The following MARK1 variants were observed in gnomAD, a reference collection of about 807,000 sequenced individuals.
The protein encoded by MARK1 is microtubule affinity regulating kinase 1, also known as serine/threonine-protein kinase MARK1.
A neutral mutation model predicts 96.3 loss-of-function variants in MARK1; 40 were observed. The ratio of observed to expected loss-of-function variants is 0.42; its 90% CI spans 0.32 to 0.54. MARK1 has a LOEUF of 0.54. Ranked by LOEUF, MARK1 falls within the 20% of genes least tolerant of loss-of-function variation. The pLI is 0.16. For missense variants in MARK1, 719 were observed against 984.6 expected, an observed-to-expected ratio of 0.73 and a Z score of 3.61; for synonymous variants, 317 against 341.2, an observed-to-expected ratio of 0.93 and a Z score of 0.78.
chr1:220,581,203 CTA>C, intron 3 of MARK1, 85 bp downstream of exon 3: 1 of 432,360 alleles, frequency 2.3e-6, no homozygotes, highest in South Asian at 8.9e-5. Flanking sequence ...TCTAAATTTT[CTA>C]TTAGGTACAA....
chr1:220,596,031 C>A (rs1309549987), intron 3 of MARK1, among the ~76,000 whole-genome samples: 1 of 152,104 alleles, frequency 6.6e-6, no homozygotes, highest in Non-Finnish European at 1.5e-5. Context: ...GTTTGAATTT[C>A]TGTGAGACAG....
At chr1:220,606,777 G>A (rs954229939) in intron 6 of MARK1, among the ~76,000 whole-genome samples, 12 of 152,200 alleles carry the variant, frequency 7.9e-5, no homozygotes, top group Middle Eastern at 3.4e-3. Context: ...ATTAAATAGG[G>A]AATCCTTTCC....
At chr1:220,549,483 A>G (rs1661717633) in intron 1 of MARK1, among the ~76,000 whole-genome samples, 2 of 152,196 alleles carry the variant, frequency 1.3e-5, no homozygotes, top group African/African-American at 4.8e-5. Context: ...CATTTTTTAA[A>G]TTTCTGTATT....
intron 2 of MARK1, among the ~76,000 whole-genome samples, chr1:220,580,311 C>G (rs140673732): frequency 2.7e-3 from 408 of 151,918 alleles, no homozygotes; most frequent in Non-Finnish European, 4.0e-3. Context: ...TGGCAAAACC[C>G]CAGCTCTACA....
At chr1:220,613,541 G>A (rs575911507) in intron 6 of MARK1, among the ~76,000 whole-genome samples, 3 of 152,120 alleles carry the variant, frequency 2.0e-5, no homozygotes, top group African/African-American at 7.2e-5. Context: ...ACAAACATGT[G>A]ACTAACAAAA....
At chr1:220,660,761 G>A (rs1369067755) in intron 17 of MARK1, among the ~76,000 whole-genome samples, 1 of 152,118 alleles carries the variant, frequency 6.6e-6, no homozygotes, top group African/African-American at 2.4e-5. Context: ...AAAATTCAGT[G>A]AGATTTAGTC....
chr1:220,618,625 C>T lies in MARK1; in HGVS notation c.790-11C>T. Reference sequence around the variant, plus strand: ...AACCAGTTATAAGTGCTTTCTTTCACTTTTATTAAGGAACTGCGAGAGCGA... The same window carrying T: ...AACCAGTTATAAGTGCTTTCTTTCATTTTTATTAAGGAACTGCGAGAGCGA... On this transcript the variant is annotated splice_polypyrimidine_tract_variant and intron_variant, in intron 8 of 17. Transcript: ENST00000366917. The surrounding 1 kb of genome is among the most constrained non-coding windows in gnomAD (Gnocchi z 4.6). 1.2e-6 allele frequency: 2 copies of T among 1,613,626 alleles called. No individual in the cohort carries two copies. The highest frequency in any genetic ancestry group is 1.7e-6 in the Non-Finnish European group (2 of 1,179,904).
At chr1:220,657,121 T>G (rs1267148874) in intron 16 of MARK1, among the ~76,000 whole-genome samples, 1 of 152,166 alleles carries the variant, frequency 6.6e-6, no homozygotes, top group East Asian at 1.9e-4. Flanking sequence ...GCATTAAAAT[T>G]TTGGTAGACT....
intron 5 of MARK1, among the ~76,000 whole-genome samples, chr1:220,602,923 A>T (rs1665838773): frequency 6.6e-6 from 1 of 152,090 alleles, no homozygotes; most frequent in Non-Finnish European, 1.5e-5. Flanking sequence ...TCGCTGTGCT[A>T]AGCACATGCA....
At chr1:220,631,971 A>G (rs749293084) in intron 10 of MARK1, among the ~76,000 whole-genome samples, 1 of 152,208 alleles carries the variant, frequency 6.6e-6, no homozygotes, top group Non-Finnish European at 1.5e-5. Flanking sequence ...AAGTGGGCCC[A>G]TTAATATATT....
At chr1:220,612,282 C>G (rs919208727) in intron 6 of MARK1, among the ~76,000 whole-genome samples, 2 of 152,088 alleles carry the variant, frequency 1.3e-5, no homozygotes, top group Non-Finnish European at 2.9e-5. Flanking sequence ...AAGAGCTTTC[C>G]ATCTTTGCTG....
At chr1:220,534,187 T>A (rs2102690563) in intron 1 of MARK1, among the ~76,000 whole-genome samples, 1 of 152,176 alleles carries the variant, frequency 6.6e-6, no homozygotes, top group Non-Finnish European at 1.5e-5. Flanking sequence ...ATGTATTAGA[T>A]CTATTAGTGC....
intron 1 of MARK1, among the ~76,000 whole-genome samples, chr1:220,558,438 A>AT (rs1484681587): frequency 2.0e-5 from 3 of 151,780 alleles, no homozygotes; most frequent in Non-Finnish European, 4.4e-5. Flanking sequence ...TCTTATTTAA[A>AT]AAAATAGTTT....
intron 9 of MARK1, among the ~76,000 whole-genome samples, chr1:220,620,708 T>G (rs1667009488): frequency 6.6e-6 from 1 of 152,170 alleles, no homozygotes; most frequent in African/African-American, 2.4e-5. Flanking sequence ...CTAAAATATT[T>G]GATCATCAGA....
intron 3 of MARK1, among the ~76,000 whole-genome samples, chr1:220,587,016 A>G (rs1664666520): frequency 6.6e-6 from 1 of 152,172 alleles, no homozygotes; most frequent in Non-Finnish European, 1.5e-5. Flanking sequence ...CATCACAGCT[A>G]TAATTGAAGA....
chr1:220,587,660 G>A (rs143156403), intron 3 of MARK1, among the ~76,000 whole-genome samples: 8,687 of 152,072 alleles, frequency 0.057, 369 homozygotes, highest in Middle Eastern at 0.16. Flanking sequence ...ATGAGCCACC[G>A]TGCCCAGCCT....
chr1:220,569,612 G>A (rs562845591), intron 1 of MARK1, among the ~76,000 whole-genome samples: 1 of 151,938 alleles, frequency 6.6e-6, no homozygotes, highest in African/African-American at 2.4e-5. Context: ...TAGAGATTCA[G>A]CTTTATTTTT....
At chr1:220,563,538 A>G (rs1366307938) in intron 1 of MARK1, among the ~76,000 whole-genome samples, 2 of 152,236 alleles carry the variant, frequency 1.3e-5, no homozygotes, top group Non-Finnish European at 2.9e-5. Flanking sequence ...ATCATTTTAG[A>G]TAGTAGTAAG....
chr1:220,638,827 TA>T (rs982893811), intron 13 of MARK1, among the ~76,000 whole-genome samples: 1 of 152,214 alleles, frequency 6.6e-6, no homozygotes, highest in African/African-American at 2.4e-5. Flanking sequence ...TTTAGCACTA[TA>T]GGAGTTTCTA....
Sources: allele counts gnomAD v4.1 joint callset (sites outside exome capture counted in the v4.1 genomes callset), GRCh38; gene constraint gnomAD v4.1.1; non-coding constraint Gnocchi (gnomAD v3.1); transcripts MANE v1.5; gene names NCBI Gene and HGNC (gene_info 2026-07-23, HGNC 2026-07-21).